SLC15A4: variants seen among roughly 807,000 people sequenced by gnomAD.
SLC15A4 encodes the protein hPHT1.
A neutral mutation model predicts 46.1 loss-of-function variants in SLC15A4; 26 were observed. That is an observed-to-expected ratio of 0.56 (90% CI 0.41 to 0.78). The LOEUF is 0.78. SLC15A4 is among the 30% of genes least tolerant of loss of function. SLC15A4 has a pLI of 0.00. For missense variants in SLC15A4, 751 were observed against 755.7 expected (o/e 0.99, Z 0.07); for synonymous variants, 370 against 333.4 (o/e 1.11, Z -1.20).
intron 5 of SLC15A4, among the ~76,000 whole-genome samples, chr12:128,802,604 G>C (rs4760592): frequency 0.53 from 81,242 of 152,040 alleles, 22,421 homozygotes; most frequent in Non-Finnish European, 0.62. Flanking sequence ...GACAAGGGAA[G>C]GTTACTCATG....
chr12:128,801,094 C>A (rs915657035), intron 5 of SLC15A4, 85 bp from the exon 6 acceptor site: 1 of 1,268,874 alleles, frequency 7.9e-7, no homozygotes, highest in African/African-American at 1.5e-5. Flanking sequence ...TACGAGACTT[C>A]GTAGCAAACG....
In SLC15A4 at chr12:128,798,176, A is replaced by G. The variant is rs575612845; in HGVS notation, c.1573+1083T>C. On this transcript the variant is annotated intron_variant, in intron 7 of 7. Transcript: ENST00000266771. ...GATAAAACAAAAACCAAGAACCAGA[A>G]TCTTCGTCTTCAGAACTATGGACTT... 2.6e-5 allele frequency among the ~76,000 whole-genome samples: 4 copies of G among 152,366 alleles called. No individual in the cohort carries two copies. In the South Asian group the frequency reaches 8.3e-4, roughly 32 times the overall value.
chr12:128,811,639 C>T (rs992909948), intron 2 of SLC15A4, among the ~76,000 whole-genome samples: 14 of 152,192 alleles, frequency 9.2e-5, no homozygotes, highest in Admixed American at 7.9e-4. Context: ...TTAACTTCTT[C>T]AAGTACTACT....
At chr12:128,798,866 A>T (rs998310339) in intron 7 of SLC15A4, among the ~76,000 whole-genome samples, 4 of 152,254 alleles carry the variant, frequency 2.6e-5, no homozygotes, top group Non-Finnish European at 5.9e-5. Context: ...AGAAAACGAA[A>T]GTACACCACC....
Position 128,823,403 on chromosome 12 carries a change from C to G in SLC15A4, c.541G>C (p.Asp181His), listed in dbSNP as rs1406737877. ...VKANITPFGA[D>H]QVKDRGPEAT... ...CGCGCGGGGGCGCGGCTCACCTGGT[C>G]GGCGCCGAAGGGCGTGATGTTGGCC... Residue 181 changes from aspartate to histidine, a missense_variant, in exon 1 of 8, where the codon GAC becomes CAC. By Grantham distance (81) the Asp-to-His change is moderately conservative. Coordinates refer to ENST00000266771, the MANE Select transcript of SLC15A4 (RefSeq NM_145648.4). 2 of 1,433,214 alleles carry G rather than the reference C, an allele frequency of 1.4e-6. No homozygotes were observed. Among genetic ancestry groups the G allele is most frequent in the Non-Finnish European group, 1.8e-6 (2 of 1,100,192 alleles). 88.8% of individuals were successfully genotyped at this position (1,433,214 alleles called of 1,614,324 possible).
chr12:128,820,696 T>C (rs1003842949), intron 1 of SLC15A4, among the ~76,000 whole-genome samples: 5 of 152,240 alleles, frequency 3.3e-5, no homozygotes, highest in Middle Eastern at 3.2e-3. Context: ...GTAGCATACG[T>C]GTCATGTGGA....
chr12:128,795,714 T>A (rs1955435493), intron 7 of SLC15A4, among the ~76,000 whole-genome samples: 1 of 152,204 alleles, frequency 6.6e-6, no homozygotes, highest in African/African-American at 2.4e-5. Flanking sequence ...TGTGCAGACG[T>A]GGGAACGACG....
intron 7 of SLC15A4, among the ~76,000 whole-genome samples, chr12:128,798,610 T>C (rs376159422): frequency 6.6e-6 from 1 of 152,220 alleles, no homozygotes; most frequent in Non-Finnish European, 1.5e-5. Context: ...TTTCTGTAGA[T>C]AAAATATTTT....
chr12:128,814,999 C>T lies in SLC15A4; in HGVS notation c.618G>A (p.Ala206=), dbSNP rs141678338. 4 of 1,614,020 alleles carry T rather than the reference C, an allele frequency of 2.5e-6. No individual in the cohort carries two copies. The highest frequency in any genetic ancestry group is 1.1e-5 in the South Asian group (1 of 91,084). Reference sequence around the variant, plus strand: ...AGGCAATGCCACCTAACGACAGGATCGCTCCCAGGTTAATGCTCCAATAAA... The same window carrying T: ...AGGCAATGCCACCTAACGACAGGATTGCTCCCAGGTTAATGCTCCAATAAA... ...NWFYWSINLG[A]ILSLGGIAYI... is the part of the protein sequence containing the mutation. Residue 206 remains alanine (A), a synonymous_variant, in exon 2 of 8, where the codon GCG becomes GCA. Coordinates refer to ENST00000266771, the MANE Select transcript of SLC15A4 (RefSeq NM_145648.4).
intron 1 of SLC15A4, among the ~76,000 whole-genome samples, chr12:128,822,223 C>G (rs368841352): frequency 2.6e-5 from 4 of 152,240 alleles, no homozygotes; most frequent in South Asian, 2.1e-4. Flanking sequence ...GTGGTTCCTC[C>G]CTCACTTCTT....
chr12:128,820,233 C>T (rs560527528), intron 1 of SLC15A4, among the ~76,000 whole-genome samples: 1 of 152,332 alleles, frequency 6.6e-6, no homozygotes, highest in East Asian at 1.9e-4. Flanking sequence ...CGCACGCACA[C>T]TGGGCCCATC....
rs962459815 is a variant in SLC15A4 at position 128,809,399 on chromosome 12, G to A, written c.1086C>T (p.His362=). The part of the protein sequence containing the change: ...PEISNITTTP[H]TLPAAWLTMF... ...AGATCATTACAATTGTTCTTACCGT[G>A]TGAGGAGTGGTTGTAATATTTGAAA... The change falls in exon 4 of 8, where the codon CAC becomes CAT. Residue 362 remains histidine (H), a synonymous_variant. Transcript: ENST00000266771. 9 of 1,591,628 alleles carry A rather than the reference G, an allele frequency of 5.7e-6. No individual in the cohort carries two copies. Among genetic ancestry groups the A allele is most frequent in the Non-Finnish European group, 6.9e-6 (8 of 1,162,672 alleles).
intron 1 of SLC15A4, among the ~76,000 whole-genome samples, chr12:128,817,496 G>C (rs1001668266): frequency 6.6e-6 from 1 of 152,058 alleles, no homozygotes; most frequent in Non-Finnish European, 1.5e-5. Context: ...AAATGTACTC[G>C]GACCTTCCCA....
At chr12:128,820,391 C>T (rs1359325321) in intron 1 of SLC15A4, among the ~76,000 whole-genome samples, 5 of 152,172 alleles carry the variant, frequency 3.3e-5, no homozygotes, top group Middle Eastern at 3.2e-3. Flanking sequence ...GTTCAGATTT[C>T]GTCACATATG....
In SLC15A4 at chr12:128,822,575, A is replaced by T. The variant is rs541943888; in HGVS notation, c.546+823T>A. On this transcript the variant is annotated intron_variant, in intron 1 of 7. Coordinates refer to ENST00000266771, the MANE Select transcript of SLC15A4 (RefSeq NM_145648.4). ...TTTATTTATTTTTATTTGGAGACAG[A>T]GTCTCGCTCTGTCGCTCAGGCTGGA... 3.3e-5 allele frequency among the ~76,000 whole-genome samples: 5 copies of T among 152,192 alleles called. No homozygotes were observed. In the East Asian group the frequency reaches 9.7e-4, roughly 29 times the overall value.
At chr12:128,805,361 A>C (rs2135710595) in intron 5 of SLC15A4, among the ~76,000 whole-genome samples, 1 of 152,346 alleles carries the variant, frequency 6.6e-6, no homozygotes, top group Admixed American at 6.5e-5. Flanking sequence ...TATTATTTGA[A>C]GACAAAGAAT....
Position 128,808,912 on chromosome 12 carries a change from G to C in SLC15A4, c.1134C>G (p.Leu378=), listed in dbSNP as rs763417408. The change falls in exon 5 of 8, where the codon CTC becomes CTG. Residue 378 remains leucine (L), a synonymous_variant. Transcript: ENST00000266771. ...GTTTGTCCTTCAGAGGGATGAGCAGGAGGATGAGCACAGCATCAAACATGG... is the reference window on the plus strand; with the variant it reads ...GTTTGTCCTTCAGAGGGATGAGCAGCAGGATGAGCACAGCATCAAACATGG... ...WLTMFDAVLI[L]LLIPLKDKLV... is the part of the protein sequence containing the mutation. 3.3e-5 allele frequency: 54 copies of C among 1,614,108 alleles called. No individual in the cohort carries two copies. Among genetic ancestry groups the C allele is most frequent in the Non-Finnish European group, 4.3e-5 (51 of 1,180,044 alleles).
At chr12:128,796,793 T>C (rs1955449661) in intron 7 of SLC15A4, among the ~76,000 whole-genome samples, 1 of 152,162 alleles carries the variant, frequency 6.6e-6, no homozygotes, top group South Asian at 2.1e-4. Context: ...TATGTGCCTA[T>C]TTTGAAATAC....
intron 6 of SLC15A4, among the ~76,000 whole-genome samples, chr12:128,799,864 G>A (rs964666055): frequency 6.6e-5 from 10 of 151,988 alleles, no homozygotes; most frequent in East Asian, 1.9e-4. Context: ...TTGTTGAGAC[G>A]GAGTTTTGCT....
Sources: gnomAD v4.1 joint callset for allele counts (sites outside exome capture counted in the v4.1 genomes callset) on GRCh38, gnomAD v4.1.1 for gene constraint, MANE v1.5 for transcripts, NCBI Gene and HGNC (gene_info 2026-07-23, HGNC 2026-07-21) for gene names.